Variants in DAB2 observed in about 807,000 individuals in gnomAD.
DAB2 encodes DAB adaptor protein 2, also known as disabled homolog 2.
DAB2 carries 28 observed loss-of-function variants against 71.6 expected under a neutral mutation model. The ratio of observed to expected loss-of-function variants is 0.39; its 90% CI spans 0.29 to 0.54. The LOEUF (loss-of-function observed/expected upper bound fraction) is 0.54, where lower values mean the gene tolerates loss of function less well. Among genes scored for constraint, DAB2 ranks in the 20% least tolerant of loss-of-function variants. The pLI is 0.68. For missense variants in DAB2, 867 were observed against 928.8 expected, an observed-to-expected ratio of 0.93 and a Z score of 0.86; for synonymous variants, 345 against 339.7, an observed-to-expected ratio of 1.02 and a Z score of -0.17.
chr5:39,383,225 G>C lies in DAB2; in HGVS notation c.734C>G (p.Thr245Ser). Residue 245 changes from threonine (T) to serine (S), a missense_variant, in exon 10 of 15, where the codon ACC (threonine) becomes AGC (serine). Transcript: ENST00000320816. ...ATTTTCTCTTAAAGAATTCTGATTGGTGTCGATTTCAGAGTTTAGATCCAC... is the reference window on the plus strand; with the variant it reads ...ATTTTCTCTTAAAGAATTCTGATTGCTGTCGATTTCAGAGTTTAGATCCAC... ...LLVDLNSEID[T>S]NQNSLRENPF... 3.1e-6 allele frequency: 5 copies of C among 1,613,656 alleles called. No individual in the cohort carries two copies. The highest frequency in any genetic ancestry group is 3.4e-6 in the Non-Finnish European group (4 of 1,179,766).
intron 1 of DAB2, among the ~76,000 whole-genome samples, chr5:39,402,772 A>G (rs143867783): frequency 6.6e-6 from 1 of 152,322 alleles, no homozygotes; most frequent in African/African-American, 2.4e-5. Context: ...TGCCAGTGTA[A>G]GAGCCACCTC....
chr5:39,394,160 G>A, intron 2 of DAB2, 70 bp downstream of exon 2: 5 of 1,265,604 alleles, frequency 4.0e-6, no homozygotes, highest in Non-Finnish European at 5.8e-6. Flanking sequence ...ACTTTATTCT[G>A]AATCTCACAT....
chr5:39,421,477 C>T (rs1393583718), intron 1 of DAB2, among the ~76,000 whole-genome samples: 1 of 152,142 alleles, frequency 6.6e-6, no homozygotes, highest in Non-Finnish European at 1.5e-5. Context: ...GGCCATGTAA[C>T]CTGCAACCCT....
Position 39,393,393 on chromosome 5 carries a change from C to A in DAB2, c.92G>T (p.Gly31Val). The change falls in exon 3 of 15, where the codon GGC becomes GTC. Residue 31 changes from glycine (G) to valine (V), a missense_variant and splice_region_variant. By Grantham distance (109) the Gly-to-Val change is moderately radical. This residue lies in a region of DAB2 where 127 missense variants were observed against 194.4 expected (regional missense o/e 0.65). Transcript: ENST00000320816. ...KAPSKKEKKK[G>V]PEKTDEYLLA... ...GAGATATTCATCTGTCTTTTCAGGG[C>A]CTGAGAAAAGAAAGGAATACAGGAT... 6.2e-7 allele frequency: 1 copy of A among 1,613,602 alleles called. No individual in the cohort carries two copies. Among genetic ancestry groups the A allele is most frequent in the Non-Finnish European group, 8.5e-7 (1 of 1,179,812 alleles).
intron 1 of DAB2, among the ~76,000 whole-genome samples, chr5:39,405,226 G>A (rs1267651141): frequency 1.3e-5 from 2 of 152,184 alleles, no homozygotes; most frequent in African/African-American, 4.8e-5. Context: ...TTTTGATCAC[G>A]TGGAATTTTT....
intron 1 of DAB2, among the ~76,000 whole-genome samples, chr5:39,423,535 C>G (rs1365576564): frequency 6.6e-6 from 1 of 152,176 alleles, no homozygotes; most frequent in Non-Finnish European, 1.5e-5. Flanking sequence ...TCCTCCCCAA[C>G]AGCCAGTAGG....
intron 1 of DAB2, among the ~76,000 whole-genome samples, chr5:39,403,348 T>A (rs78479472): frequency 0.028 from 4,218 of 152,202 alleles, 109 homozygotes; most frequent in African/African-American, 0.066. Context: ...GTGTTTGTTT[T>A]TAAAAACCAT....
At chr5:39,397,843 C>A (rs1030589784) in intron 1 of DAB2, among the ~76,000 whole-genome samples, 1 of 152,180 alleles carries the variant, frequency 6.6e-6, no homozygotes, top group African/African-American at 2.4e-5. Context: ...TTTTAACTTT[C>A]TAGGCCCAGA....
rs753188606 is a variant in DAB2 at position 39,376,097 on chromosome 5, T to C, written c.2147A>G (p.Lys716Arg). 1.9e-6 allele frequency: 3 copies of C among 1,613,928 alleles called. No individual in the cohort carries two copies. Residue 716 changes from lysine to arginine, a missense_variant, in exon 13 of 15, where the codon AAG becomes AGG. By Grantham distance (26) the Lys-to-Arg change is conservative. Around this residue, in one of 2 missense-constraint regions of DAB2, gnomAD observed 740 missense variants for 734.3 expected, o/e 1.01. Coordinates refer to ENST00000320816, the MANE Select transcript of DAB2 (RefSeq NM_001343.4). Reference sequence around the variant, plus strand: ...CAGGGAAACTTGTCTGGGAGCTGGCTTTGGTGGTTCTAGAAGGTAAAAAAT... The same window carrying C: ...CAGGGAAACTTGTCTGGGAGCTGGCCTTGGTGGTTCTAGAAGGTAAAAAAT... ...QLLNKINEPP[K>R]PAPRQVSLPV...
intron 1 of DAB2, chr5:39,417,467 T>C (rs1755873977): frequency 1.3e-5 from 2 of 152,146 alleles, no homozygotes; most frequent in African/African-American, 2.4e-5. Flanking sequence ...AACTGCATGA[T>C]TTGCATATGC....
chr5:39,381,754 A>AACT (rs1319465945), intron 10 of DAB2, 138 bp from the exon 11 acceptor site: 11 of 792,018 alleles, frequency 1.4e-5, no homozygotes, highest in African/African-American at 5.2e-5. Flanking sequence ...GAACAACAAC[A>AACT]ACTACTACTA....
chr5:39,406,263 A>C (rs1755608642), intron 1 of DAB2, among the ~76,000 whole-genome samples: 1 of 152,166 alleles, frequency 6.6e-6, no homozygotes, highest in South Asian at 2.1e-4. Flanking sequence ...CAGCATGGGC[A>C]TGCCTTGGTG....
intron 1 of DAB2, among the ~76,000 whole-genome samples, chr5:39,402,474 T>C (rs1579918777): frequency 6.6e-6 from 1 of 152,290 alleles, no homozygotes; most frequent in Admixed American, 6.5e-5. Context: ...TGGAGTGCAG[T>C]GGTGCAATCT....
chr5:39,378,623 G>A (rs576271543), intron 11 of DAB2, among the ~76,000 whole-genome samples: 2 of 152,334 alleles, frequency 1.3e-5, no homozygotes, highest in South Asian at 2.1e-4. Flanking sequence ...TACTCACAGA[G>A]AGTGGTGGGT....
chr5:39,389,709 G>T (rs67066752), intron 6 of DAB2, 143 bp downstream of exon 6: 1 of 527,522 alleles, frequency 1.9e-6, no homozygotes. Context: ...ATGAGGTTTC[G>T]CCATGTTGGC....
rs1183508694 is a variant in DAB2, at chr5:39,372,161, C to G, written c.*1270G>C. The G allele has an allele frequency of 5.3e-5, 8 of 152,116 alleles. No homozygotes were observed. The allele number at this position is 152,116 out of a possible 1,614,324, so 9.4% of individuals were successfully genotyped here. A position where few individuals can be genotyped will look rare whatever the true frequency, so the allele number is the denominator to read the frequency against. On this transcript the variant is annotated 3_prime_UTR_variant, in exon 15 of 15. Transcript: ENST00000320816. ...AAAACTTATTTTGACAATAATAAACCCTTCAGAACTGTGCTCACAACAGGA... is the reference window on the plus strand; with the variant it reads ...AAAACTTATTTTGACAATAATAAACGCTTCAGAACTGTGCTCACAACAGGA...
At chr5:39,399,719 T>C (rs1371349711) in intron 1 of DAB2, among the ~76,000 whole-genome samples, 1 of 152,182 alleles carries the variant, frequency 6.6e-6, no homozygotes, top group African/African-American at 2.4e-5. Flanking sequence ...GAAGACTGCA[T>C]GAGTCATCTT....
At chr5:39,378,258 T>C (rs1754878610) in intron 11 of DAB2, among the ~76,000 whole-genome samples, 1 of 152,236 alleles carries the variant, frequency 6.6e-6, no homozygotes, top group South Asian at 2.1e-4. Flanking sequence ...TGCATCTTGT[T>C]CTAATATACA....
chr5:39,410,948 C>A (rs1195914797), intron 1 of DAB2, among the ~76,000 whole-genome samples: 1 of 152,056 alleles, frequency 6.6e-6, no homozygotes, highest in Non-Finnish European at 1.5e-5. Context: ...CATTAATGGT[C>A]CAGGTTTGAC....
Sources: gnomAD v4.1 joint callset for allele counts (sites outside exome capture counted in the v4.1 genomes callset) on GRCh38, gnomAD v4.1.1 for gene constraint, gnomAD v4.1.1 regional missense constraint, MANE v1.5 for transcripts, NCBI Gene and HGNC (gene_info 2026-07-23, HGNC 2026-07-21) for gene names.